Variants in HPSE2 observed in about 807,000 individuals in gnomAD.
The protein encoded by HPSE2 is inactive heparanase-2.
A neutral mutation model predicts 60.5 loss-of-function variants in HPSE2; 38 were observed. The ratio of observed to expected loss-of-function variants is 0.63; its 90% CI spans 0.48 to 0.82. The LOEUF is 0.82. HPSE2 is among the 40% of genes least tolerant of loss of function. HPSE2 has a pLI of 0.00. For synonymous variants in HPSE2, 295 were observed against 293.2 expected (o/e 1.01, Z -0.06); for missense variants, 713 against 740.4 (o/e 0.96, Z 0.43).
intron 3 of HPSE2, among the ~76,000 whole-genome samples, chr10:99,131,011 A>G (rs543209972): frequency 1.3e-5 from 2 of 152,314 alleles, no homozygotes; most frequent in Admixed American, 6.5e-5. Context: ...CTAAAAACAG[A>G]GTTAGTAAAA....
chr10:99,190,355 T>G (rs767932782), intron 2 of HPSE2, among the ~76,000 whole-genome samples: 4 of 152,178 alleles, frequency 2.6e-5, no homozygotes, highest in African/African-American at 4.8e-5. Flanking sequence ...CTATCTATAA[T>G]ACAGAAATAA....
At chr10:99,270,320 C>CA in the HPSE2 span, among the ~76,000 whole-genome samples, 2 of 151,962 alleles carry the variant, frequency 1.3e-5, no homozygotes, top group African/African-American at 4.8e-5. Flanking sequence ...CACAGAAATA[C>CA]AAAAAATTAT....
chr10:98,832,555 T>G (rs369572697), intron 3 of HPSE2, among the ~76,000 whole-genome samples: 1 of 152,252 alleles, frequency 6.6e-6, no homozygotes, highest in East Asian at 1.9e-4. Flanking sequence ...ATGAGTTCAG[T>G]TTGGAGGATT....
At chr10:98,859,406 T>C (rs1220277632) in intron 3 of HPSE2, among the ~76,000 whole-genome samples, 1 of 152,186 alleles carries the variant, frequency 6.6e-6, no homozygotes, top group African/African-American at 2.4e-5. Flanking sequence ...TGTGAGGGTG[T>C]TTCTGGAAGA....
At chr10:99,195,774 C>G (rs769993362) in intron 2 of HPSE2, among the ~76,000 whole-genome samples, 61 of 152,030 alleles carry the variant, frequency 4.0e-4, no homozygotes, top group East Asian at 1.9e-4. Context: ...GTTAAAATGT[C>G]CATTCTACCC....
At chr10:98,926,282 A>T (rs1287421472) in intron 3 of HPSE2, among the ~76,000 whole-genome samples, 7 of 152,116 alleles carry the variant, frequency 4.6e-5, no homozygotes, top group Non-Finnish European at 1.5e-5. Flanking sequence ...GGAGGTCTGA[A>T]GGTCAATAGG....
chr10:99,152,876 G>A (rs112905779), intron 2 of HPSE2, among the ~76,000 whole-genome samples: 1,685 of 152,330 alleles, frequency 0.011, 32 homozygotes, highest in African/African-American at 0.037. Context: ...GACAGTGGGC[G>A]CGGGTCAGTG....
chr10:99,059,180 A>G (rs540398300), intron 3 of HPSE2, among the ~76,000 whole-genome samples: 1 of 152,342 alleles, frequency 6.6e-6, no homozygotes, highest in Admixed American at 6.5e-5. Context: ...CCCATGGGCC[A>G]TAGTTTACCA....
chr10:98,553,549 C>G (rs1943920105), intron 9 of HPSE2, among the ~76,000 whole-genome samples: 1 of 152,164 alleles, frequency 6.6e-6, no homozygotes, highest in African/African-American at 2.4e-5. Flanking sequence ...GAACACACCT[C>G]AAGCCTTGGC....
intron 3 of HPSE2, among the ~76,000 whole-genome samples, chr10:98,811,744 C>T (rs973230547): frequency 2.6e-5 from 4 of 152,096 alleles, no homozygotes; most frequent in African/African-American, 9.7e-5. Flanking sequence ...AGATTGTGTT[C>T]ACTCTACAGA....
chr10:99,098,538 G>C (rs892269610), intron 3 of HPSE2, among the ~76,000 whole-genome samples: 1 of 152,138 alleles, frequency 6.6e-6, no homozygotes, highest in Non-Finnish European at 1.5e-5. Flanking sequence ...ATAAACCCTA[G>C]ATGAGTACTT....
At chr10:98,522,709 C>T (rs1942837796) in intron 9 of HPSE2, among the ~76,000 whole-genome samples, 1 of 152,206 alleles carries the variant, frequency 6.6e-6, no homozygotes, top group Non-Finnish European at 1.5e-5. Flanking sequence ...AACTCCTCAC[C>T]TCAGGTGATC....
chr10:98,645,899 C>T (rs980162887), intron 6 of HPSE2, among the ~76,000 whole-genome samples: 53 of 152,038 alleles, frequency 3.5e-4, no homozygotes, highest in African/African-American at 1.1e-3. Context: ...GGCGTGAACC[C>T]GGGAGGCGGA....
intron 1 of HPSE2, 50 bp from the exon 2 acceptor site, chr10:99,232,555 G>A (rs892280906): frequency 1.9e-6 from 3 of 1,541,756 alleles, no homozygotes; most frequent in African/African-American, 1.4e-5. Flanking sequence ...CAGGACGAGA[G>A]CGCGTGGGGC....
At chr10:98,746,207 T>C (rs1020653110) in intron 3 of HPSE2, among the ~76,000 whole-genome samples, 3 of 152,240 alleles carry the variant, frequency 2.0e-5, no homozygotes, top group Admixed American at 2.0e-4. Flanking sequence ...GAAATACATT[T>C]AATTATTATT....
At chr10:98,474,707 C>A (rs1394077149) in intron 11 of HPSE2, among the ~76,000 whole-genome samples, 1 of 152,026 alleles carries the variant, frequency 6.6e-6, no homozygotes, top group Non-Finnish European at 1.5e-5. Flanking sequence ...TTCATAGGAG[C>A]CTTGAGATTT....
intron 3 of HPSE2, among the ~76,000 whole-genome samples, chr10:98,776,376 G>C (rs1009189389): frequency 3.3e-5 from 5 of 152,056 alleles, no homozygotes; most frequent in Non-Finnish European, 7.4e-5. Context: ...GAACCCAGGA[G>C]GTAGAGGTTG....
At chr10:99,260,054 A>G in the HPSE2 span, among the ~76,000 whole-genome samples, 1 of 152,218 alleles carries the variant, frequency 6.6e-6, no homozygotes, top group African/African-American at 2.4e-5. Flanking sequence ...CTTATTCACC[A>G]TCAGTAGCAG....
intron 2 of HPSE2, among the ~76,000 whole-genome samples, chr10:99,178,787 G>A (rs189827329): frequency 2.6e-5 from 4 of 152,252 alleles, no homozygotes; most frequent in Middle Eastern, 3.4e-3. Context: ...ACATCATTCT[G>A]ATACCAAAAC....
Sources: allele counts gnomAD v4.1 joint callset (sites outside exome capture counted in the v4.1 genomes callset), GRCh38; gene constraint gnomAD v4.1.1; transcripts MANE v1.5; gene names NCBI Gene and HGNC (gene_info 2026-07-23, HGNC 2026-07-21).